KCNIP1: variants seen among roughly 807,000 people sequenced by gnomAD.
The protein encoded by KCNIP1 is potassium voltage-gated channel interacting protein 1, also known as A-type potassium channel modulatory protein KCNIP1.
In KCNIP1, 18 loss-of-function variants were observed where a neutral mutation model predicts 33.0. That is an observed-to-expected ratio of 0.55 (90% CI 0.38 to 0.81). The LOEUF is 0.81. KCNIP1 is among the 30% of genes least tolerant of loss of function. The pLI is 0.00. For missense variants in KCNIP1, 238 were observed against 271.6 expected, an observed-to-expected ratio of 0.88 and a Z score of 0.87; for synonymous variants, 93 against 98.3, an observed-to-expected ratio of 0.95 and a Z score of 0.32.
chr5:170,423,589 G>A (rs1228539956), intron 1 of KCNIP1, among the ~76,000 whole-genome samples: 1 of 152,084 alleles, frequency 6.6e-6, no homozygotes, highest in Non-Finnish European at 1.5e-5. Flanking sequence ...ACCCCACTTG[G>A]CCCAGAAGAG....
intron 1 of KCNIP1, among the ~76,000 whole-genome samples, chr5:170,424,727 C>T (rs186441599): frequency 4.6e-5 from 7 of 152,296 alleles, no homozygotes; most frequent in African/African-American, 1.2e-4. Context: ...GTAGCCTGAG[C>T]GATCTTTTAA....
intron 5 of KCNIP1, among the ~76,000 whole-genome samples, chr5:170,729,267 A>T (rs1037175196): frequency 4.6e-5 from 7 of 152,122 alleles, no homozygotes; most frequent in Admixed American, 4.6e-4. Context: ...TAAATATTTT[A>T]AAATTCTGCA....
chr5:170,710,220 C>G (rs1252467240), intron 1 of KCNIP1, among the ~76,000 whole-genome samples: 1 of 152,198 alleles, frequency 6.6e-6, no homozygotes, highest in East Asian at 1.9e-4. Context: ...TTTCTATTGA[C>G]TTATCTACCA....
intron 1 of KCNIP1, among the ~76,000 whole-genome samples, chr5:170,530,957 G>A (rs1459146956): frequency 2.6e-5 from 4 of 152,148 alleles, no homozygotes. Flanking sequence ...TTCTAGCTGG[G>A]GTGGCCTCCA....
intron 1 of KCNIP1, among the ~76,000 whole-genome samples, chr5:170,605,063 C>T (rs1396309101): frequency 6.6e-6 from 1 of 152,188 alleles, no homozygotes; most frequent in African/African-American, 2.4e-5. Flanking sequence ...GCCTGGGCTT[C>T]GCAGGCCAAC....
intron 1 of KCNIP1, among the ~76,000 whole-genome samples, chr5:170,441,656 A>G (rs1755992383): frequency 6.6e-6 from 1 of 152,128 alleles, no homozygotes. Flanking sequence ...TTTTGAGAGA[A>G]AATGTAGTCT....
chr5:170,554,952 T>C (rs1756791154), intron 1 of KCNIP1, among the ~76,000 whole-genome samples: 1 of 152,164 alleles, frequency 6.6e-6, no homozygotes, highest in Non-Finnish European at 1.5e-5. Context: ...AGGTATTTAA[T>C]TAGACCAGGA....
intron 1 of KCNIP1, among the ~76,000 whole-genome samples, chr5:170,411,877 G>T (rs1228498956): frequency 3.9e-5 from 6 of 152,172 alleles, no homozygotes; most frequent in Admixed American, 1.3e-4. Context: ...CAGAAGAGGG[G>T]GCAGTCTGGG....
chr5:170,734,130 G>A lies in KCNIP1; in HGVS notation c.603+232G>A, dbSNP rs182545301. Among the ~76,000 whole-genome samples the A allele has an allele frequency of 5.8e-3, 875 of 152,170 alleles. 8 individuals carry two copies. Among genetic ancestry groups the A allele is most frequent in the African/African-American group, 0.02 (833 of 41,504 alleles). The stretch of plus-strand genomic sequence containing the variant: ...CAGAGAGCCTAAGTAGGGGTCTGGG[G>A]GCATGTGAAAACTCAGAGGGGGTCT... On this transcript the variant is annotated intron_variant, in intron 7 of 7. Coordinates refer to ENST00000328939, the MANE Select transcript of KCNIP1 (RefSeq NM_014592.4).
intron 5 of KCNIP1, among the ~76,000 whole-genome samples, chr5:170,731,506 C>G (rs1042968347): frequency 6.6e-6 from 1 of 151,984 alleles, no homozygotes; most frequent in African/African-American, 2.4e-5. Flanking sequence ...AGTTTGAGAC[C>G]AGCCTGGGCA....
chr5:170,591,410 A>C (rs186035445), intron 1 of KCNIP1, among the ~76,000 whole-genome samples: 1 of 152,282 alleles, frequency 6.6e-6, no homozygotes, highest in East Asian at 1.9e-4. Context: ...GCACTTGTCG[A>C]GATCTCCCAG....
At chr5:170,595,451 C>T (rs77447950) in intron 1 of KCNIP1, among the ~76,000 whole-genome samples, 1,633 of 152,276 alleles carry the variant, frequency 0.011, 27 homozygotes, top group African/African-American at 0.037. Flanking sequence ...CCATGCTGAG[C>T]GCTTTGCTTG....
intron 1 of KCNIP1, among the ~76,000 whole-genome samples, chr5:170,487,521 CTT>C (rs35638864): frequency 8.4e-4 from 116 of 138,436 alleles, no homozygotes; most frequent in Admixed American, 9.5e-4. Flanking sequence ...AGTCACGGAA[CTT>C]TTTTTTTTTT....
At chr5:170,697,517 G>C (rs539680733) in intron 1 of KCNIP1, among the ~76,000 whole-genome samples, 2 of 152,306 alleles carry the variant, frequency 1.3e-5, no homozygotes, top group African/African-American at 4.8e-5. Context: ...CTTTGCACTA[G>C]TCTCAGGAAG....
chr5:170,606,067 G>T (rs75932888), intron 1 of KCNIP1, among the ~76,000 whole-genome samples: 1 of 152,024 alleles, frequency 6.6e-6, no homozygotes, highest in Non-Finnish European at 1.5e-5. Context: ...GAGCCACCAC[G>T]CCTGGCCACT....
chr5:170,397,420 A>G (rs946316298), intron 1 of KCNIP1, among the ~76,000 whole-genome samples: 7 of 152,158 alleles, frequency 4.6e-5, no homozygotes, highest in Admixed American at 4.6e-4. Context: ...ATATCAGTCC[A>G]TCTCCCTGTG....
At chr5:170,417,617 G>T (rs957836880) in intron 1 of KCNIP1, among the ~76,000 whole-genome samples, 9 of 152,120 alleles carry the variant, frequency 5.9e-5, no homozygotes, top group Non-Finnish European at 1.0e-4. Flanking sequence ...CTGGGTTCTG[G>T]TAAACTCCCC....
intron 1 of KCNIP1, chr5:170,374,983 A>G (rs1394411239): frequency 6.6e-6 from 1 of 152,174 alleles, no homozygotes; most frequent in Non-Finnish European, 1.5e-5. Context: ...TTTCCCCTGC[A>G]GGGATTGTTT....
chr5:170,634,231 T>G (rs1204570650), intron 1 of KCNIP1, among the ~76,000 whole-genome samples: 1 of 152,180 alleles, frequency 6.6e-6, no homozygotes, highest in Non-Finnish European at 1.5e-5. Context: ...TCGGACTTGT[T>G]AAGTTTGAGA....
Sources: allele counts gnomAD v4.1 joint callset (sites outside exome capture counted in the v4.1 genomes callset), GRCh38; gene constraint gnomAD v4.1.1; transcripts MANE v1.5; gene names NCBI Gene and HGNC (gene_info 2026-07-23, HGNC 2026-07-21).